COL26A1: variants seen among roughly 807,000 people sequenced by gnomAD.
COL26A1 encodes collagen type XXVI alpha 1 chain.
A neutral mutation model predicts 59.3 loss-of-function variants in COL26A1; 41 were observed. The ratio of observed to expected loss-of-function variants is 0.69; its 90% CI spans 0.54 to 0.90. The LOEUF (loss-of-function observed/expected upper bound fraction) is 0.90, where lower values mean the gene tolerates loss of function less well. Among genes scored for constraint, COL26A1 ranks in the 40% least tolerant of loss-of-function variants. COL26A1 has a pLI of 0.00. For missense variants in COL26A1, 612 were observed against 602.3 expected (o/e 1.02, Z -0.17); for synonymous variants, 266 against 256.0 (o/e 1.04, Z -0.37).
intron 1 of COL26A1, among the ~76,000 whole-genome samples, chr7:101,385,885 T>C (rs1791562850): frequency 6.6e-6 from 1 of 151,860 alleles, no homozygotes; most frequent in African/African-American, 2.4e-5. Flanking sequence ...TTTGTATTTT[T>C]AGTAGAGACC....
intron 3 of COL26A1, among the ~76,000 whole-genome samples, chr7:101,527,452 C>T (rs182404468): frequency 3.3e-5 from 5 of 151,864 alleles, no homozygotes; most frequent in Admixed American, 6.5e-5. Flanking sequence ...CTCAGCCTCC[C>T]GAGTAGCTTG....
intron 3 of COL26A1, among the ~76,000 whole-genome samples, chr7:101,500,588 C>T (rs1406012246): frequency 2.6e-5 from 4 of 152,088 alleles, no homozygotes; most frequent in East Asian, 1.9e-4. Flanking sequence ...CAGGCCGAGG[C>T]GGGCAGATCA....
In COL26A1 at chr7:101,462,731, C is replaced by T. The variant is rs372427680; in HGVS notation, c.385+14944C>T. On this transcript the variant is annotated intron_variant, in intron 3 of 12. Coordinates refer to ENST00000313669, the MANE Select transcript of COL26A1 (RefSeq NM_001278563.3). Reference sequence around the variant, plus strand: ...CCCATGCTTCCGGCCCCCGGTGACACGTGGGAGCTCAGTAGCTGGCAGGGC... The same window carrying T: ...CCCATGCTTCCGGCCCCCGGTGACATGTGGGAGCTCAGTAGCTGGCAGGGC... Among the ~76,000 whole-genome samples the T allele has an allele frequency of 2.4e-4, 37 of 152,208 alleles. 1 individual carries two copies. In the East Asian group the frequency reaches 6.6e-3, roughly 27 times the overall value.
At chr7:101,424,943 G>T (rs1792608135) in intron 2 of COL26A1, among the ~76,000 whole-genome samples, 1 of 151,958 alleles carries the variant, frequency 6.6e-6, no homozygotes, top group Non-Finnish European at 1.5e-5. Flanking sequence ...TTTTATAAGG[G>T]TCAGGATCTC....
chr7:101,494,898 C>T (rs1794548368), intron 3 of COL26A1, among the ~76,000 whole-genome samples: 1 of 152,196 alleles, frequency 6.6e-6, no homozygotes, highest in African/African-American at 2.4e-5. Context: ...TGAATGTGTG[C>T]TGCCTAGAGT....
At chr7:101,378,237 G>A (rs1217058504) in intron 1 of COL26A1, among the ~76,000 whole-genome samples, 2 of 152,026 alleles carry the variant, frequency 1.3e-5, no homozygotes, top group Non-Finnish European at 2.9e-5. Context: ...AAAATTAGCT[G>A]GGTGTGGTGG....
intron 3 of COL26A1, among the ~76,000 whole-genome samples, chr7:101,505,412 CTTTG>C: frequency 6.6e-6 from 1 of 151,414 alleles, no homozygotes; most frequent in East Asian, 1.9e-4. Flanking sequence ...TGTGAATTTA[CTTTG>C]TTTTTGTGTG....
chr7:101,490,590 A>G (rs1794436073), intron 3 of COL26A1, among the ~76,000 whole-genome samples: 1 of 151,930 alleles, frequency 6.6e-6, no homozygotes, highest in East Asian at 1.9e-4. Flanking sequence ...AATCCCACCT[A>G]CTCGAGAGGC....
chr7:101,414,130 G>T (rs1236108679), intron 1 of COL26A1, among the ~76,000 whole-genome samples: 2 of 152,144 alleles, frequency 1.3e-5, no homozygotes, highest in East Asian at 3.8e-4. Context: ...CCCTTTCCTT[G>T]TCTCTGCCTC....
intron 3 of COL26A1, among the ~76,000 whole-genome samples, chr7:101,467,638 C>G (rs893983543): frequency 6.8e-6 from 1 of 146,046 alleles, no homozygotes; most frequent in Non-Finnish European, 1.6e-5. Flanking sequence ...GAGGCTGAGG[C>G]GGGCAGATCA....
At chr7:101,371,036 C>T (rs1791179896) in intron 1 of COL26A1, among the ~76,000 whole-genome samples, 1 of 152,216 alleles carries the variant, frequency 6.6e-6, no homozygotes, top group Non-Finnish European at 1.5e-5. Context: ...TGGCTCTGAG[C>T]AGCCGTCCTT....
At chr7:101,485,433 G>A (rs1304159295) in intron 3 of COL26A1, among the ~76,000 whole-genome samples, 2 of 152,138 alleles carry the variant, frequency 1.3e-5, no homozygotes, top group Non-Finnish European at 2.9e-5. Context: ...GGTCTTTTTC[G>A]TCATAGGCTA....
chr7:101,477,311 A>C (rs1419194951), intron 3 of COL26A1, among the ~76,000 whole-genome samples: 2 of 152,144 alleles, frequency 1.3e-5, no homozygotes, highest in East Asian at 3.9e-4. Flanking sequence ...GTTAGTGTGA[A>C]TGATACATGG....
intron 4 of COL26A1, among the ~76,000 whole-genome samples, chr7:101,536,475 T>A (rs1007029705): frequency 1.3e-5 from 2 of 152,140 alleles, no homozygotes; most frequent in Non-Finnish European, 2.9e-5. Flanking sequence ...GGAGCTGGGT[T>A]TTCAGCTTAG....
intron 2 of COL26A1, among the ~76,000 whole-genome samples, chr7:101,441,664 A>C (rs1464280083): frequency 2.6e-5 from 4 of 152,020 alleles, no homozygotes; most frequent in South Asian, 2.1e-4. Context: ...CATCATTCCA[A>C]GTGTGGATTG....
In COL26A1 at chr7:101,465,691, C is replaced by CAA. The variant is rs539721605; in HGVS notation, c.385+17924_385+17925dup. On this transcript the variant is annotated intron_variant, in intron 3 of 12. Coordinates refer to ENST00000313669, the MANE Select transcript of COL26A1 (RefSeq NM_001278563.3). ...CCTGGACGACAAAGTGAAACTGTCT[C>CAA]AAAAAAAAAAAAAAAAAAAAAGAAA... Among the ~76,000 whole-genome samples, 278 of 102,550 alleles carry CAA rather than the reference C, an allele frequency of 2.7e-3. 1 individual carries two copies. Among genetic ancestry groups the CAA allele is most frequent in the African/African-American group, 4.8e-3 (135 of 28,030 alleles). The allele number at this position is 102,550 out of a possible 152,430, so 67.3% of individuals were successfully genotyped here. A position where few individuals can be genotyped will look rare whatever the true frequency, so the allele number is the denominator to read the frequency against.
At chr7:101,436,899 T>A (rs1792929317) in intron 2 of COL26A1, among the ~76,000 whole-genome samples, 2 of 151,998 alleles carry the variant, frequency 1.3e-5, no homozygotes, top group African/African-American at 2.4e-5. Flanking sequence ...TATTTTCAGT[T>A]GTGACGGTTT....
intron 8 of COL26A1, among the ~76,000 whole-genome samples, chr7:101,547,509 T>C (rs1033675059): frequency 6.6e-5 from 10 of 152,100 alleles, no homozygotes; most frequent in Non-Finnish European, 1.3e-4. Flanking sequence ...TGGGCCAGAG[T>C]GGGACACACA....
intron 3 of COL26A1, among the ~76,000 whole-genome samples, chr7:101,518,911 C>A (rs1390781389): frequency 1.3e-5 from 2 of 152,138 alleles, no homozygotes; most frequent in African/African-American, 2.4e-5. Flanking sequence ...TGTGGGGACC[C>A]CAATCTGTCC....
Sources: allele counts gnomAD v4.1 joint callset (sites outside exome capture counted in the v4.1 genomes callset), GRCh38; gene constraint gnomAD v4.1.1; transcripts MANE v1.5; gene names NCBI Gene and HGNC (gene_info 2026-07-23, HGNC 2026-07-21).